Variants in STAG1 observed in about 807,000 individuals in gnomAD.
The protein encoded by STAG1 is STAG1 cohesin complex component.
STAG1 carries 26 observed loss-of-function variants against 170.9 expected under a neutral mutation model. The observed-to-expected ratio is 0.15, with a 90% CI of 0.11 to 0.21. The LOEUF is 0.21. Ranked by LOEUF, STAG1 falls within the 10% of genes least tolerant of loss-of-function variation. STAG1 has a pLI of 1.00. For missense variants in STAG1, 964 were observed against 1,509.5 expected (o/e 0.64, Z 5.99); for synonymous variants, 514 against 497.7 (o/e 1.03, Z -0.44).
chr3:136,472,592 ATAGGTTAAATAAAAAGC>A lies in STAG1; in HGVS notation c.1126-117_1126-101del. The A allele has an allele frequency of 5.5e-6, 4 of 721,610 alleles. No individual in the cohort carries two copies. In the South Asian group the frequency reaches 8.8e-5, roughly 16 times the overall value. The allele number at this position is 721,610 out of a possible 1,614,324, so 44.7% of individuals were successfully genotyped here. On this transcript the variant is annotated intron_variant, in intron 11 of 33. Coordinates refer to ENST00000383202, the MANE Select transcript of STAG1 (RefSeq NM_005862.3). Reference sequence around the variant, plus strand: ...CTGGGATATATATGCAATACTAATGATAGGTTAAATAAAAAGCTTTACTCTTGAAACTGCAGTATTGT... The same window carrying A: ...CTGGGATATATATGCAATACTAATGATTTACTCTTGAAACTGCAGTATTGT...
At chr3:136,455,044 A>T (rs1297485912) in intron 13 of STAG1, among the ~76,000 whole-genome samples, 1 of 152,226 alleles carries the variant, frequency 6.6e-6, no homozygotes, top group Non-Finnish European at 1.5e-5. Flanking sequence ...GGCCTAAAAA[A>T]CATTTATGGA....
chr3:136,349,788 A>T (rs1438466298), intron 28 of STAG1, among the ~76,000 whole-genome samples: 1 of 152,236 alleles, frequency 6.6e-6, no homozygotes, highest in African/African-American at 2.4e-5. Flanking sequence ...ACTAGTAAAA[A>T]TTATAAAATA....
intron 13 of STAG1, 24 bp from the exon 14 acceptor site, chr3:136,452,171 G>A: frequency 6.8e-7 from 1 of 1,462,386 alleles, no homozygotes; most frequent in Non-Finnish European, 9.6e-7. Context: ...ACAGGGCATT[G>A]CAAAGTTACA....
chr3:136,389,110 A>G (rs2086943084), intron 22 of STAG1, among the ~76,000 whole-genome samples: 1 of 152,046 alleles, frequency 6.6e-6, no homozygotes, highest in Non-Finnish European at 1.5e-5. Context: ...CTTAGTGAAA[A>G]CATATTTTTA....
intron 12 of STAG1, among the ~76,000 whole-genome samples, chr3:136,467,290 C>T (rs1402309643): frequency 4.6e-5 from 7 of 151,796 alleles, no homozygotes; most frequent in Non-Finnish European, 8.8e-5. Flanking sequence ...CACACATAGG[C>T]GCAAAATAAA....
At chr3:136,391,263 A>G (rs1250546235) in intron 22 of STAG1, among the ~76,000 whole-genome samples, 2 of 152,146 alleles carry the variant, frequency 1.3e-5, no homozygotes, top group Admixed American at 6.5e-5. Context: ...TAGCACAAAT[A>G]TAAGACTACA....
chr3:136,348,428 G>A (rs1429259854), intron 29 of STAG1, among the ~76,000 whole-genome samples: 1 of 151,786 alleles, frequency 6.6e-6, no homozygotes, highest in Non-Finnish European at 1.5e-5. Flanking sequence ...AAAATTAAAT[G>A]ATGGGAGTCT....
intron 28 of STAG1, among the ~76,000 whole-genome samples, chr3:136,354,821 A>G (rs1191740652): frequency 6.6e-6 from 1 of 151,530 alleles, no homozygotes; most frequent in African/African-American, 2.4e-5. Flanking sequence ...AAAAAGTATA[A>G]TAATAGAGAA....
intron 4 of STAG1, among the ~76,000 whole-genome samples, chr3:136,575,715 C>A (rs1937432094): frequency 6.7e-6 from 1 of 149,494 alleles, no homozygotes; most frequent in Non-Finnish European, 1.5e-5. Flanking sequence ...GTATCCTTAA[C>A]AAGCAGCTTC....
intron 22 of STAG1, among the ~76,000 whole-genome samples, chr3:136,389,843 T>G (rs1037121100): frequency 3.4e-5 from 5 of 148,786 alleles, no homozygotes; most frequent in Non-Finnish European, 4.5e-5. Flanking sequence ...TTTTCTTTTT[T>G]TTTTTTGAGA....
At chr3:136,476,311 A>T (rs751009848) in intron 10 of STAG1, among the ~76,000 whole-genome samples, 1 of 152,216 alleles carries the variant, frequency 6.6e-6, no homozygotes, top group Non-Finnish European at 1.5e-5. Context: ...TCCCAGGAGC[A>T]ATGGAGATGT....
chr3:136,474,331 G>C (rs987883876), intron 10 of STAG1, among the ~76,000 whole-genome samples: 6 of 152,084 alleles, frequency 3.9e-5, no homozygotes. Flanking sequence ...ACCAAGTTCT[G>C]GAATCAGATA....
At chr3:136,352,093 G>T (rs531084087) in intron 28 of STAG1, among the ~76,000 whole-genome samples, 2 of 151,834 alleles carry the variant, frequency 1.3e-5, no homozygotes, top group African/African-American at 4.8e-5. Flanking sequence ...CCTCTAGGGG[G>T]CAGATAATTA....
At chr3:136,350,162 A>G (rs1242242474) in intron 28 of STAG1, among the ~76,000 whole-genome samples, 1 of 152,132 alleles carries the variant, frequency 6.6e-6, no homozygotes. Context: ...AAAATCTAAT[A>G]CATTTTAGCA....
intron 1 of STAG1, among the ~76,000 whole-genome samples, chr3:136,732,909 C>A (rs1934123748): frequency 2.0e-5 from 3 of 151,770 alleles, no homozygotes; most frequent in African/African-American, 7.3e-5. Flanking sequence ...CGCTCGGCCT[C>A]ATTAATAAAG....
intron 2 of STAG1, among the ~76,000 whole-genome samples, chr3:136,628,974 T>C (rs1400759228): frequency 6.6e-6 from 1 of 152,134 alleles, no homozygotes; most frequent in Admixed American, 6.6e-5. Flanking sequence ...AAATTGGACA[T>C]CTCAATTTAA....
At chr3:136,684,305 C>T (rs533970051) in intron 1 of STAG1, among the ~76,000 whole-genome samples, 76 of 152,256 alleles carry the variant, frequency 5.0e-4, no homozygotes, top group Non-Finnish European at 3.4e-4. Flanking sequence ...GTAATCAAAA[C>T]GATGTAGTGT....
chr3:136,510,868 C>A (rs1379591680), intron 7 of STAG1, among the ~76,000 whole-genome samples: 3 of 152,090 alleles, frequency 2.0e-5, no homozygotes, highest in Non-Finnish European at 4.4e-5. Context: ...ACCTCCACCT[C>A]CCAGGTTCAA....
intron 1 of STAG1, among the ~76,000 whole-genome samples, chr3:136,704,119 C>T (rs1223907159): frequency 2.0e-5 from 3 of 149,312 alleles, no homozygotes; most frequent in African/African-American, 4.9e-5. Flanking sequence ...GGTGCGATCT[C>T]GGCTCACTTC....
Sources: allele counts gnomAD v4.1 joint callset (sites outside exome capture counted in the v4.1 genomes callset), GRCh38; gene constraint gnomAD v4.1.1; transcripts MANE v1.5; gene names NCBI Gene and HGNC (gene_info 2026-07-23, HGNC 2026-07-21).